ROBO2: variants seen among roughly 807,000 people sequenced by gnomAD.
ROBO2 encodes roundabout homolog 2.
ROBO2 carries 53 observed loss-of-function variants against 160.8 expected under a neutral mutation model. The ratio of observed to expected loss-of-function variants is 0.33; its 90% confidence interval spans 0.26 to 0.41. The LOEUF (loss-of-function observed/expected upper bound fraction) is 0.41. Ranked by LOEUF, ROBO2 falls within the 10% of genes least tolerant of loss-of-function variation. The pLI is 1.00. For missense variants in ROBO2, 1,577 were observed against 1,722.4 expected, an observed-to-expected ratio of 0.92 and a Z score of 1.49; for synonymous variants, 664 against 611.7, an observed-to-expected ratio of 1.09 and a Z score of -1.26.
chr3:77,105,130 T>A (rs2150131153), intron 2 of ROBO2, among the ~76,000 whole-genome samples: 1 of 152,218 alleles, frequency 6.6e-6, no homozygotes, highest in East Asian at 1.9e-4. Context: ...ACTTGTCAGG[T>A]TCAGACTAAG....
chr3:77,507,283 T>A (rs1158264870), intron 5 of ROBO2, among the ~76,000 whole-genome samples: 1 of 152,190 alleles, frequency 6.6e-6, no homozygotes, highest in Non-Finnish European at 1.5e-5. Context: ...CCACAGCATC[T>A]CGGACTGAAC....
chr3:76,212,374 T>G (rs1703198452), intron 2 of ROBO2, among the ~76,000 whole-genome samples: 1 of 151,948 alleles, frequency 6.6e-6, no homozygotes. Flanking sequence ...ATTTTGTTTA[T>G]TAAAAGAGGG....
chr3:76,735,149 A>G (rs1010553697), intron 2 of ROBO2, among the ~76,000 whole-genome samples: 2 of 152,340 alleles, frequency 1.3e-5, no homozygotes, highest in East Asian at 3.9e-4. Flanking sequence ...TGTTCATCAC[A>G]GTGCTATTCA....
At chr3:77,579,619 C>T (rs1042605936) in intron 15 of ROBO2, among the ~76,000 whole-genome samples, 2 of 152,028 alleles carry the variant, frequency 1.3e-5, no homozygotes, top group African/African-American at 4.8e-5. Context: ...AACCAAAGAC[C>T]ACATACCAGA....
At chr3:77,021,667 A>G (rs546198897) in intron 2 of ROBO2, among the ~76,000 whole-genome samples, 76 of 152,342 alleles carry the variant, frequency 5.0e-4, no homozygotes, top group African/African-American at 1.8e-3. Flanking sequence ...TGCTGTTGTA[A>G]TGATACTCAG....
intron 2 of ROBO2, among the ~76,000 whole-genome samples, chr3:77,179,895 C>T (rs900703518): frequency 6.6e-6 from 1 of 152,080 alleles, no homozygotes; most frequent in Non-Finnish European, 1.5e-5. Context: ...GTTTCATGAA[C>T]AGGAGCCCGT....
chr3:76,975,916 A>G (rs958508565), intron 2 of ROBO2, among the ~76,000 whole-genome samples: 1 of 152,204 alleles, frequency 6.6e-6, no homozygotes. Context: ...TTTAGCTGTG[A>G]CACAGATATA....
intron 2 of ROBO2, among the ~76,000 whole-genome samples, chr3:76,319,026 A>G (rs1200680440): frequency 6.6e-6 from 1 of 152,058 alleles, no homozygotes; most frequent in Non-Finnish European, 1.5e-5. Context: ...ACAAGAGATA[A>G]TTCTTCTAAA....
chr3:76,271,174 A>G (rs1707409914), intron 2 of ROBO2, among the ~76,000 whole-genome samples: 1 of 152,082 alleles, frequency 6.6e-6, no homozygotes, highest in Admixed American at 6.6e-5. Flanking sequence ...AATACAAACA[A>G]AAAGTAGGGA....
intron 2 of ROBO2, among the ~76,000 whole-genome samples, chr3:77,416,501 A>G (rs9835909): frequency 0.58 from 87,608 of 151,732 alleles, 25,731 homozygotes; most frequent in East Asian, 0.7. Context: ...GGTGGATCAC[A>G]GGGTCATGAG....
intron 2 of ROBO2, among the ~76,000 whole-genome samples, chr3:77,389,740 C>T (rs1008614068): frequency 1.0e-4 from 15 of 149,490 alleles, no homozygotes; most frequent in East Asian, 3.9e-4. Context: ...TCTTTTTGAC[C>T]GAGTTCATTA....
At chr3:77,451,478 C>G (rs142396894) in intron 2 of ROBO2, among the ~76,000 whole-genome samples, 2 of 152,036 alleles carry the variant, frequency 1.3e-5, no homozygotes, top group Non-Finnish European at 2.9e-5. Context: ...GCTATTTTAA[C>G]GAAGGTCCAT....
chr3:77,457,913 A>C (rs1022827740), intron 2 of ROBO2, among the ~76,000 whole-genome samples: 13 of 152,138 alleles, frequency 8.5e-5, no homozygotes, highest in Non-Finnish European at 1.9e-4. Context: ...TTATATACTA[A>C]TCAGGACAAT....
intron 2 of ROBO2, among the ~76,000 whole-genome samples, chr3:76,003,378 C>T (rs2065940871): frequency 6.6e-6 from 1 of 152,140 alleles, no homozygotes; most frequent in Non-Finnish European, 1.5e-5. Flanking sequence ...AACAGGGCCC[C>T]AATGTTTTTT....
chr3:76,680,435 C>T (rs373774105), intron 2 of ROBO2, among the ~76,000 whole-genome samples: 20 of 150,158 alleles, frequency 1.3e-4, no homozygotes, highest in African/African-American at 4.4e-4. Context: ...TTAAACTGTC[C>T]ATTTAAAATG....
intron 2 of ROBO2, among the ~76,000 whole-genome samples, chr3:76,693,274 C>CTCTA (rs1553872052): frequency 2.0e-5 from 3 of 147,990 alleles, no homozygotes; most frequent in African/African-American, 5.0e-5. Flanking sequence ...GTCTCTCTCT[C>CTCTA]TATATATAGT....
At chr3:76,715,930 G>C (rs375595651) in intron 2 of ROBO2, among the ~76,000 whole-genome samples, 3 of 152,046 alleles carry the variant, frequency 2.0e-5, no homozygotes, top group Non-Finnish European at 4.4e-5. Context: ...TTGTCATCTT[G>C]TGTCTTCAAA....
At chr3:76,089,886 T>G (rs2069160667) in intron 2 of ROBO2, among the ~76,000 whole-genome samples, 1 of 152,056 alleles carries the variant, frequency 6.6e-6, no homozygotes, top group Admixed American at 6.5e-5. Flanking sequence ...AATAAAACTT[T>G]CCTTGTTTGC....
intron 2 of ROBO2, among the ~76,000 whole-genome samples, chr3:76,856,412 C>A (rs1026246224): frequency 1.3e-5 from 2 of 152,148 alleles, no homozygotes; most frequent in Admixed American, 1.3e-4. Context: ...CACAGTTACC[C>A]ATTCCCTCCA....
Sources: gnomAD v4.1 joint callset for allele counts (sites outside exome capture counted in the v4.1 genomes callset) on GRCh38, gnomAD v4.1.1 for gene constraint, MANE v1.5 for transcripts, NCBI Gene and HGNC (gene_info 2026-07-23, HGNC 2026-07-21) for gene names.